The following IRS2 variants were observed in gnomAD, a reference collection of about 807,000 sequenced individuals.
The protein encoded by IRS2 is insulin receptor substrate 2.
In IRS2, 28 loss-of-function variants were observed where a neutral mutation model predicts 70.9. The ratio of observed to expected loss-of-function variants is 0.39; its 90% confidence interval spans 0.29 to 0.54. The LOEUF is 0.54. Among genes scored for constraint, IRS2 ranks in the 20% least tolerant of loss-of-function variants. IRS2 has a pLI of 0.59. For synonymous variants in IRS2, 1,217 were observed against 981.9 expected (o/e 1.24, Z -4.48); for missense variants, 2,081 against 2,024.1 (o/e 1.03, Z -0.54).
rs1001578029 is a variant in IRS2 at position 109,784,468 on chromosome 13, G to C, written c.1586C>G (p.Pro529Arg). Residue 529 changes from proline to arginine, a missense_variant, in exon 1 of 2, where the codon CCG becomes CGG. By Grantham distance (103) the Pro-to-Arg change is moderately radical. This residue lies in a region of IRS2 where 1,615 missense variants were observed against 1,459.5 expected (regional missense o/e 1.11). Transcript: ENST00000375856. This position sits in a 1 kb window ranked among gnomAD's most constrained non-coding sequence, Gnocchi z 5.2. The part of the protein sequence containing the change: ...NTPESIAETP[P>R]ARDGGGGGEF... ...ACCGCCGCCGCCGCCGTCTCGGGCC[G>C]GGGGCGTCTCCGCGATGGACTCGGG... The C allele has an allele frequency of 5.1e-6, 8 of 1,580,206 alleles. No individual in the cohort carries two copies. The highest frequency in any genetic ancestry group is 1.1e-5 in the South Asian group (1 of 89,218).
intron 1 of IRS2, among the ~76,000 whole-genome samples, 182 bp from the exon 2 acceptor site, chr13:109,756,490 T>A (rs535055564): frequency 1.3e-5 from 2 of 152,356 alleles, no homozygotes; most frequent in African/African-American, 4.8e-5. Flanking sequence ...GGGAAAACTC[T>A]GAGTTTTCCT....
chr13:109,780,713 GT>G (rs1877676921), intron 1 of IRS2, among the ~76,000 whole-genome samples: 1 of 152,152 alleles, frequency 6.6e-6, no homozygotes, highest in African/African-American at 2.4e-5. Flanking sequence ...CTTGAAGACT[GT>G]TTACACCTTA....
Position 109,782,256 on chromosome 13 carries a change from G to A in IRS2, c.3798C>T (p.Pro1266=). The change falls in exon 1 of 2, where the codon CCC becomes CCT. Residue 1266 remains proline (P), a synonymous_variant. Transcript: ENST00000375856. ...GCGGCGGCGGCGGCGGCTGCGGCTG[G>A]GGTGGCAGCCCGGGCTCCTCCCTCA... The part of the protein sequence containing the change: ...IDVREEPGLP[P]QPQPPPPPLP... 2 of 1,608,550 alleles carry A rather than the reference G, an allele frequency of 1.2e-6. No individual in the cohort carries two copies. Among genetic ancestry groups the A allele is most frequent in the African/African-American group, 1.3e-5 (1 of 74,814 alleles).
chr13:109,760,215 T>G (rs1877197603), intron 1 of IRS2, among the ~76,000 whole-genome samples: 1 of 152,226 alleles, frequency 6.6e-6, no homozygotes, highest in African/African-American at 2.4e-5. Context: ...ACCCTGAATA[T>G]TCACTAAGAA....
chr13:109,767,180 G>A lies in IRS2; in HGVS notation c.4013-10872C>T, dbSNP rs1167422433. On this transcript the variant is annotated intron_variant, in intron 1 of 1. Transcript: ENST00000375856. Reference sequence around the variant, plus strand: ...TGAGTCACCAGCAGTTGGATTCAGAGTGAGGACAGGCCCCTTGCTCCTGCC... The same window carrying A: ...TGAGTCACCAGCAGTTGGATTCAGAATGAGGACAGGCCCCTTGCTCCTGCC... 3.3e-5 allele frequency among the ~76,000 whole-genome samples: 5 copies of A among 152,264 alleles called. No individual in the cohort carries two copies. The East Asian group carries it at 9.7e-4, about 30-fold the overall frequency.
At chr13:109,781,796 G>A (rs560272329) in intron 1 of IRS2, among the ~76,000 whole-genome samples, 2 of 151,656 alleles carry the variant, frequency 1.3e-5, no homozygotes, top group East Asian at 1.9e-4. Context: ...AATGGGTGGG[G>A]CCTCAAAAAA....
chr13:109,786,086 G>C lies in IRS2; in HGVS notation c.-33C>G, dbSNP rs1456498575. 8 of 1,032,448 alleles carry C rather than the reference G, an allele frequency of 7.7e-6. No homozygotes were observed. The African/African-American group carries it at 8.7e-5, about 11-fold the overall frequency. 64.0% of individuals were successfully genotyped at this position (1,032,448 alleles called of 1,614,324 possible). ...GCTTCAGGCCGCGCGGCCCGGGCCCGGCGCCCAGGGGTTGGGGCGAGGGGC... is the reference window on the plus strand; with the variant it reads ...GCTTCAGGCCGCGCGGCCCGGGCCCCGCGCCCAGGGGTTGGGGCGAGGGGC... On this transcript the variant is annotated 5_prime_UTR_variant, in exon 1 of 2. Coordinates refer to ENST00000375856, the MANE Select transcript of IRS2 (RefSeq NM_003749.3). This position sits in a 1 kb window ranked among gnomAD's most constrained non-coding sequence, Gnocchi z 4.4.
In IRS2 at chr13:109,779,637, A is replaced by G. The variant is rs76724577; in HGVS notation, c.4012+2405T>C. ...TTCAACTTACTTTACTAGAAACCCA[A>G]TGGGGCAGATATTTCTTTTTTTTTA... On this transcript the variant is annotated intron_variant, in intron 1 of 1. Coordinates refer to ENST00000375856, the MANE Select transcript of IRS2 (RefSeq NM_003749.3). Among the ~76,000 whole-genome samples the G allele has an allele frequency of 6.1e-3, 923 of 152,200 alleles. 7 individuals carry two copies. The highest frequency in any genetic ancestry group is 0.021 in the African/African-American group (873 of 41,512).
At position 109,784,474 on chromosome 13, in the gene IRS2, G is replaced by A. The variant is rs2138935888; in HGVS notation, c.1580C>T (p.Thr527Met). The change falls in exon 1 of 2, where the codon ACG (threonine) becomes ATG (methionine). Residue 527 changes from threonine to methionine, a missense_variant. This residue lies in a region of IRS2 where 1,615 missense variants were observed against 1,459.5 expected (regional missense o/e 1.11). Coordinates refer to ENST00000375856, the MANE Select transcript of IRS2 (RefSeq NM_003749.3). The surrounding 1 kb of genome is among the most constrained non-coding windows in gnomAD (Gnocchi z 5.2). ...RSNTPESIAETPPARDGGGGG... is the reference protein window; with the variant it reads ...RSNTPESIAEMPPARDGGGGG... ...GCCGCCGCCGTCTCGGGCCGGGGGC[G>A]TCTCCGCGATGGACTCGGGCGTGTT... 3 of 1,579,758 alleles carry A rather than the reference G, an allele frequency of 1.9e-6. No individual in the cohort carries two copies. Among genetic ancestry groups the A allele is most frequent in the Non-Finnish European group, 2.6e-6 (3 of 1,160,568 alleles).
intron 1 of IRS2, among the ~76,000 whole-genome samples, chr13:109,756,675 C>T (rs1450698405): frequency 1.3e-5 from 2 of 152,198 alleles, no homozygotes; most frequent in African/African-American, 4.8e-5. Context: ...ACCCCTGTAA[C>T]TCCTTAGGCC....
At position 109,754,750 on chromosome 13, in the gene IRS2, T is replaced by C. The variant is rs879028046; in HGVS notation, c.*1554A>G. ...TGCCATTAAATATATTTTTAAGACA[T>C]TGAATTTTTTGGTCTTCCTCTAAAA... On this transcript the variant is annotated 3_prime_UTR_variant, in exon 2 of 2. Coordinates refer to ENST00000375856, the MANE Select transcript of IRS2 (RefSeq NM_003749.3). 9 of 193,140 alleles carry C rather than the reference T, an allele frequency of 4.7e-5. No homozygotes were observed. The highest frequency in any genetic ancestry group is 6.1e-5 in the Admixed American group (1 of 16,344). 12.0% of individuals were successfully genotyped at this position (193,140 alleles called of 1,614,324 possible). A position where few individuals can be genotyped will look rare whatever the true frequency, so the allele number is the denominator to read the frequency against.
At chr13:109,779,854 T>C (rs1303670212) in intron 1 of IRS2, among the ~76,000 whole-genome samples, 2 of 152,180 alleles carry the variant, frequency 1.3e-5, no homozygotes, top group East Asian at 1.9e-4. Flanking sequence ...AAGAATCCTA[T>C]GGGCTGAAAG....
Position 109,786,104 on chromosome 13 carries a change from C to T in IRS2, c.-51G>A, listed in dbSNP as rs921718979. On this transcript the variant is annotated 5_prime_UTR_variant, in exon 1 of 2. Coordinates refer to ENST00000375856, the MANE Select transcript of IRS2 (RefSeq NM_003749.3). The surrounding 1 kb of genome is among the most constrained non-coding windows in gnomAD (Gnocchi z 4.4). Reference sequence around the variant, plus strand: ...CGGGCCCGGCGCCCAGGGGTTGGGGCGAGGGGCGGAGGGGGCGCGGGCGGG... The same window carrying T: ...CGGGCCCGGCGCCCAGGGGTTGGGGTGAGGGGCGGAGGGGGCGCGGGCGGG... 55 of 989,106 alleles carry T rather than the reference C, an allele frequency of 5.6e-5. No individual in the cohort carries two copies. The highest frequency in any genetic ancestry group is 6.5e-5 in the Non-Finnish European group (54 of 833,404). The allele number at this position is 989,106 out of a possible 1,614,324, so 61.3% of individuals were successfully genotyped here. A position where few individuals can be genotyped will look rare whatever the true frequency, so the allele number is the denominator to read the frequency against.
chr13:109,783,519 T>C lies in IRS2; in HGVS notation c.2535A>G (p.Pro845=), dbSNP rs966007524. The change falls in exon 1 of 2, where the codon CCA becomes CCG. Residue 845 remains proline (P), a synonymous_variant. Transcript: ENST00000375856. ...AGGCGCTGGCCGCCTGGCTGGGCCC[T>C]GGCGTGGCCTGAGGCTCCAGACGCT... ...EEERLEPQAT[P]GPSQAASAFG... 6.5e-7 allele frequency: 1 copy of C among 1,548,148 alleles called. No individual in the cohort carries two copies. Among genetic ancestry groups the C allele is most frequent in the Middle Eastern group, 1.8e-4 (1 of 5,550 alleles).
chr13:109,780,883 A>C (rs76141819), intron 1 of IRS2, among the ~76,000 whole-genome samples: 10,115 of 152,140 alleles, frequency 0.066, 366 homozygotes, highest in Non-Finnish European at 0.074. Flanking sequence ...CCGACCCCAA[A>C]CACCATTCAA....
At chr13:109,774,777 A>G (rs1354560962) in intron 1 of IRS2, among the ~76,000 whole-genome samples, 1 of 152,180 alleles carries the variant, frequency 6.6e-6, no homozygotes, top group Non-Finnish European at 1.5e-5. Context: ...TTGGAATATT[A>G]TACCATATTG....
chr13:109,758,734 A>G lies in IRS2; in HGVS notation c.4013-2426T>C, dbSNP rs113441373. Among the ~76,000 whole-genome samples the G allele has an allele frequency of 4.7e-3, 710 of 151,976 alleles. 7 individuals carry two copies. The highest frequency in any genetic ancestry group is 0.016 in the African/African-American group (667 of 41,422). ...TAAATGGCAAGGAAGTAATTCATCCATGCATTTATTCATGCAATGACCTTT... is the reference window on the plus strand; with the variant it reads ...TAAATGGCAAGGAAGTAATTCATCCGTGCATTTATTCATGCAATGACCTTT... On this transcript the variant is annotated intron_variant, in intron 1 of 1. Transcript: ENST00000375856.
chr13:109,775,964 A>G (rs1342896387), intron 1 of IRS2, among the ~76,000 whole-genome samples: 1 of 152,136 alleles, frequency 6.6e-6, no homozygotes, highest in African/African-American at 2.4e-5. Context: ...CCTGGCTAAC[A>G]CGGTGAAATC....
At position 109,783,874 on chromosome 13, in the gene IRS2, T is replaced by C; in HGVS notation, c.2180A>G (p.Tyr727Cys). The change falls in exon 1 of 2, where the codon TAC (tyrosine) becomes TGC (cysteine). Residue 727 changes from tyrosine to cysteine, a missense_variant. This residue lies in a region of IRS2 where 1,615 missense variants were observed against 1,459.5 expected (regional missense o/e 1.11). Transcript: ENST00000375856. ...GCTCTCGGCGGGCGAGCTGGCCTTGTAGCCGCCCCCGCTCGCCGGGAATGT... is the reference window on the plus strand; with the variant it reads ...GCTCTCGGCGGGCGAGCTGGCCTTGCAGCCGCCCCCGCTCGCCGGGAATGT... Reference protein sequence around the residue: ...GRTFPASGGGYKASSPAESSP... With the variant: ...GRTFPASGGGCKASSPAESSP... 1.3e-6 allele frequency: 2 copies of C among 1,551,410 alleles called. No homozygotes were observed. The highest frequency in any genetic ancestry group is 1.7e-6 in the Non-Finnish European group (2 of 1,148,008).
Sources: allele counts gnomAD v4.1 joint callset (sites outside exome capture counted in the v4.1 genomes callset), GRCh38; gene constraint gnomAD v4.1.1; regional missense constraint gnomAD v4.1.1; non-coding constraint Gnocchi (gnomAD v3.1); transcripts MANE v1.5; gene names NCBI Gene and HGNC (gene_info 2026-07-23, HGNC 2026-07-21).